LAMA1: variants seen among roughly 807,000 people sequenced by gnomAD.
LAMA1 encodes the protein laminin subunit alpha 1, also known as laminin subunit alpha-1.
Under a neutral mutation model 348.7 loss-of-function variants are expected in LAMA1, and 219 were observed. The ratio of observed to expected loss-of-function variants is 0.63; its 90% CI spans 0.56 to 0.70. The LOEUF (loss-of-function observed/expected upper bound fraction) is 0.70. Ranked by LOEUF, LAMA1 falls within the 30% of genes least tolerant of loss-of-function variation. LAMA1 has a pLI of 0.00. For synonymous variants in LAMA1, 1,487 were observed against 1,491.0 expected, an observed-to-expected ratio of 1.00 and a Z score of 0.06; for missense variants, 3,744 against 3,888.0, an observed-to-expected ratio of 0.96 and a Z score of 0.99.
Position 6,964,741 on chromosome 18 carries a change from G to A in LAMA1, c.7258C>T (p.Pro2420Ser), listed in dbSNP as rs2057624721. The A allele has an allele frequency of 3.2e-5, 52 of 1,613,980 alleles. No individual in the cohort carries two copies. Among genetic ancestry groups the A allele is most frequent in the Non-Finnish European group, 4.4e-5 (52 of 1,180,036 alleles). The change falls in exon 51 of 63, where the codon CCG (proline) becomes TCG (serine). Residue 2420 changes from proline to serine, a missense_variant. Transcript: ENST00000389658. Reference protein sequence around the residue: ...SNKETKQGETPGASSDLNRLD... With the variant: ...SNKETKQGETSGASSDLNRLD... ...CGGTTGAGGTCAGAAGATGCTCCCG[G>A]AGTCTCGCCCTGCTTGGTTTCTTTA...
intron 48 of LAMA1, among the ~76,000 whole-genome samples, chr18:6,968,141 C>G (rs1197274597): frequency 6.6e-6 from 1 of 152,190 alleles, no homozygotes; most frequent in African/African-American, 2.4e-5. Flanking sequence ...CTCGGTTCAT[C>G]ACAGCACTTT....
At chr18:7,066,234 C>T (rs549634431) in intron 3 of LAMA1, among the ~76,000 whole-genome samples, 158 of 152,264 alleles carry the variant, frequency 1.0e-3, no homozygotes, top group Non-Finnish European at 1.8e-3. Context: ...AGTGCATATT[C>T]GTGAATGACG....
At chr18:7,000,018 T>C (rs1568025137) in intron 30 of LAMA1, 21 bp from the exon 31 acceptor site, 2 of 1,577,538 alleles carry the variant, frequency 1.3e-6, no homozygotes, top group Non-Finnish European at 1.7e-6. Flanking sequence ...AGAATTTCTT[T>C]TTGAATTTTC....
At chr18:6,993,600 G>C (rs770467993) in intron 35 of LAMA1, 41 bp downstream of exon 35, 1 of 1,347,652 alleles carries the variant, frequency 7.4e-7, no homozygotes, top group Admixed American at 1.7e-5. Flanking sequence ...CTTCTTACTA[G>C]ATAAGCACAG....
intron 52 of LAMA1, 71 bp downstream of exon 52, chr18:6,961,874 G>A: frequency 2.6e-6 from 4 of 1,555,570 alleles, no homozygotes; most frequent in Non-Finnish European, 3.5e-6. Context: ...CTGGTTTGTT[G>A]TGTTATGATG....
rs1282293328 is a variant in LAMA1 at position 6,992,699 on chromosome 18, A to C, written c.5030T>G (p.Leu1677Ter). ...GAAATCTTCATCCAAAGTCTGATTT[A>C]AAGTTGTCTTTTCCATAATTTCTAT... Reference protein sequence around the residue: ...SITEIMEKTTLNQTLDEDFLL... With the variant: ...SITEIMEKTT Residue 1677 changes from leucine to a stop codon, truncating the protein, a stop_gained, in exon 36 of 63, where the codon TTA becomes TGA. Transcript: ENST00000389658. LOFTEE classifies it high-confidence loss of function. 2 of 1,613,416 alleles carry C rather than the reference A, an allele frequency of 1.2e-6. No individual in the cohort carries two copies. The highest frequency in any genetic ancestry group is 1.7e-6 in the Non-Finnish European group (2 of 1,179,436).
rs751718364 is a variant in LAMA1, at chr18:6,983,136, G to T, written c.5759C>A (p.Ala1920Asp). ...AGTCACAGTCCTGTGAGCATCTCTG[G>T]CCAGTTCCTCCGATTCTTCAATCAG... ...QSLIEESEEL[A>D]RDAHRTVTET... Residue 1920 changes from alanine to aspartate, a missense_variant, in exon 40 of 63, where the codon GCC becomes GAC. Physicochemically the swap from Ala to Asp is moderately radical, Grantham distance 126. Transcript: ENST00000389658. The T allele has an allele frequency of 6.2e-7, 1 of 1,614,074 alleles. No individual in the cohort carries two copies. Among genetic ancestry groups the T allele is most frequent in the Admixed American group, 1.7e-5 (1 of 60,016 alleles).
At chr18:7,022,392 G>A (rs1368731779) in intron 19 of LAMA1, among the ~76,000 whole-genome samples, 6 of 152,208 alleles carry the variant, frequency 3.9e-5, no homozygotes, top group Non-Finnish European at 5.9e-5. Context: ...GCCACCTGCT[G>A]GAGATCAGCT....
chr18:7,088,185 G>A (rs2058225236), intron 1 of LAMA1, among the ~76,000 whole-genome samples: 1 of 152,146 alleles, frequency 6.6e-6, no homozygotes, highest in Non-Finnish European at 1.5e-5. Flanking sequence ...GCTCGTCAAG[G>A]CATGGCCTCA....
At chr18:7,013,695 G>A in intron 23 of LAMA1, 120 bp downstream of exon 23, 1 of 855,608 alleles carries the variant, frequency 1.2e-6, no homozygotes, top group Non-Finnish European at 2.0e-6. Context: ...GATGCGGAAG[G>A]GAGTGTGAAC....
chr18:6,985,350 C>A lies in LAMA1; in HGVS notation c.5547G>T (p.Arg1849Ser). 6.2e-7 allele frequency: 1 copy of A among 1,614,170 alleles called. No homozygotes were observed. Among genetic ancestry groups the A allele is most frequent in the Non-Finnish European group, 8.5e-7 (1 of 1,180,040 alleles). ...GCATGACCAGGTCATCTATGTGGTG[C>A]CTGATTTTGGCAGACCATAAAAGTA... Reference protein sequence around the residue: ...DKLLLWSAKIRHHIDDLVMHM... With the variant: ...DKLLLWSAKISHHIDDLVMHM... The change falls in exon 39 of 63, where the codon AGG becomes AGT. Residue 1849 changes from arginine (R) to serine (S), a missense_variant. Coordinates refer to ENST00000389658, the MANE Select transcript of LAMA1 (RefSeq NM_005559.4).
chr18:7,052,714 A>G (rs1236318074), intron 3 of LAMA1, among the ~76,000 whole-genome samples: 1 of 151,162 alleles, frequency 6.6e-6, no homozygotes, highest in Admixed American at 6.6e-5. Context: ...GCAACAAGAG[A>G]GAAACTGTCT....
intron 1 of LAMA1, among the ~76,000 whole-genome samples, chr18:7,091,342 TA>T (rs1399385553): frequency 6.6e-6 from 1 of 152,140 alleles, no homozygotes; most frequent in Non-Finnish European, 1.5e-5. Flanking sequence ...AGGTGAAAAA[TA>T]AAAAAGCAAA....
At chr18:7,102,007 T>C (rs1325161374) in intron 1 of LAMA1, among the ~76,000 whole-genome samples, 1 of 152,160 alleles carries the variant, frequency 6.6e-6, no homozygotes, top group Non-Finnish European at 1.5e-5. Flanking sequence ...GGTTATTTTC[T>C]TTATTAGCTG....
intron 60 of LAMA1, among the ~76,000 whole-genome samples, chr18:6,947,596 G>T (rs1334424473): frequency 6.6e-6 from 1 of 152,168 alleles, no homozygotes; most frequent in Non-Finnish European, 1.5e-5. Context: ...TCCTCCCTGC[G>T]GCAGTCTTTC....
chr18:7,044,038 C>A (rs746448235), intron 7 of LAMA1, among the ~76,000 whole-genome samples: 2 of 151,776 alleles, frequency 1.3e-5, no homozygotes, highest in Non-Finnish European at 2.9e-5. Flanking sequence ...CACCTGTAGT[C>A]CCAGCTACTC....
intron 1 of LAMA1, among the ~76,000 whole-genome samples, chr18:7,113,119 T>C (rs1343951969): frequency 1.3e-5 from 2 of 152,160 alleles, no homozygotes; most frequent in African/African-American, 4.8e-5. Context: ...ATTGGCCCCA[T>C]GACAGGCAAG....
At chr18:7,055,988 G>A (rs1393983443) in intron 3 of LAMA1, among the ~76,000 whole-genome samples, 1 of 151,964 alleles carries the variant, frequency 6.6e-6, no homozygotes, top group African/African-American at 2.4e-5. Flanking sequence ...GCTGAGGCAG[G>A]AGAATGGCGT....
At chr18:7,061,610 T>A (rs919377456) in intron 3 of LAMA1, among the ~76,000 whole-genome samples, 4 of 152,216 alleles carry the variant, frequency 2.6e-5, no homozygotes, top group African/African-American at 4.8e-5. Flanking sequence ...AAAATGCAGT[T>A]CCCCATTTGT....
Sources: gnomAD v4.1 joint callset for allele counts (sites outside exome capture counted in the v4.1 genomes callset) on GRCh38, gnomAD v4.1.1 for gene constraint, MANE v1.5 for transcripts, NCBI Gene and HGNC (gene_info 2026-07-23, HGNC 2026-07-21) for gene names.